The following NSMAF variants were observed in gnomAD, a reference collection of about 807,000 sequenced individuals.
NSMAF encodes the protein protein FAN.
NSMAF carries 90 observed loss-of-function variants against 134.9 expected under a neutral mutation model. That is an observed-to-expected ratio of 0.67 (90% confidence interval 0.56 to 0.79). NSMAF has a LOEUF of 0.79. Among genes scored for constraint, NSMAF ranks in the 30% least tolerant of loss-of-function variants. NSMAF has a pLI of 0.00. For synonymous variants in NSMAF, 358 were observed against 389.6 expected (o/e 0.92, Z 0.96); for missense variants, 1,010 against 1,119.0 (o/e 0.90, Z 1.39).
chr8:58,613,829 T>A (rs1174402670), intron 9 of NSMAF, among the ~76,000 whole-genome samples: 1 of 152,220 alleles, frequency 6.6e-6, no homozygotes, highest in African/African-American at 2.4e-5. Context: ...ATCATATCGG[T>A]GTGCCTCCCT....
chr8:58,605,944 T>A lies in NSMAF; in HGVS notation c.851A>T (p.Tyr284Phe), dbSNP rs1416392459. ...EPQDRDDLYFYIATYLEHHVA... is the reference protein window; with the variant it reads ...EPQDRDDLYFFIATYLEHHVA... ...CGCCAAACCTAGGTATGTGGCAATGTAAAAATAGAGATCATCTCTATCTTG... is the reference window on the plus strand; with the variant it reads ...CGCCAAACCTAGGTATGTGGCAATGAAAAAATAGAGATCATCTCTATCTTG... The change falls in exon 12 of 31, where the codon TAC becomes TTC. Residue 284 changes from tyrosine (Y) to phenylalanine (F), a missense_variant. By Grantham distance (22) the Tyr-to-Phe change is conservative (BLOSUM62 3). Transcript: ENST00000038176. The A allele has an allele frequency of 6.3e-7, 1 of 1,584,340 alleles. No individual in the cohort carries two copies. Among genetic ancestry groups the A allele is most frequent in the South Asian group, 1.2e-5 (1 of 84,040 alleles).
At chr8:58,622,644 C>T (rs1399354582) in intron 9 of NSMAF, among the ~76,000 whole-genome samples, 3 of 152,094 alleles carry the variant, frequency 2.0e-5, no homozygotes, top group Non-Finnish European at 4.4e-5. Flanking sequence ...CTGCCCACCT[C>T]AGCCTCCCGA....
At chr8:58,603,873 A>G (rs1282826277) in intron 12 of NSMAF, among the ~76,000 whole-genome samples, 1 of 152,198 alleles carries the variant, frequency 6.6e-6, no homozygotes, top group African/African-American at 2.4e-5. Context: ...TTATTTATGC[A>G]TGTGAAGACT....
intron 3 of NSMAF, 43 bp downstream of exon 3, chr8:58,635,425 C>T (rs1563540544): frequency 6.4e-7 from 1 of 1,568,594 alleles, no homozygotes; most frequent in East Asian, 2.2e-5. Flanking sequence ...AAGACATACA[C>T]AAAAAATAGG....
intron 27 of NSMAF, 105 bp downstream of exon 27, chr8:58,587,513 A>G: frequency 2.5e-6 from 2 of 801,158 alleles, no homozygotes; most frequent in Non-Finnish European, 4.1e-6. Context: ...ATCTTCCATT[A>G]ACCAAATAAA....
At chr8:58,618,886 C>G (rs1806723415) in intron 9 of NSMAF, among the ~76,000 whole-genome samples, 1 of 152,078 alleles carries the variant, frequency 6.6e-6, no homozygotes, top group Admixed American at 6.6e-5. Flanking sequence ...GTATACAACA[C>G]TGTAATATTT....
At chr8:58,653,315 A>G (rs965782082) in intron 1 of NSMAF, among the ~76,000 whole-genome samples, 2 of 152,230 alleles carry the variant, frequency 1.3e-5, no homozygotes, top group Non-Finnish European at 2.9e-5. Flanking sequence ...GAACAAAACT[A>G]AAAAATAAAA....
At chr8:58,655,118 C>T (rs1807673352) in intron 1 of NSMAF, among the ~76,000 whole-genome samples, 1 of 152,090 alleles carries the variant, frequency 6.6e-6, no homozygotes, top group Admixed American at 6.5e-5. Context: ...GGACTACAGG[C>T]ATGAGGCACC....
At chr8:58,643,135 T>A in intron 1 of NSMAF, 62 bp from the exon 2 acceptor site, 4 of 1,189,518 alleles carry the variant, frequency 3.4e-6, no homozygotes, top group Non-Finnish European at 5.0e-6. Context: ...GAAGGCAATA[T>A]ATTTAAAACG....
chr8:58,614,022 G>C (rs1435603314), intron 9 of NSMAF, among the ~76,000 whole-genome samples: 2 of 152,164 alleles, frequency 1.3e-5, no homozygotes, highest in Non-Finnish European at 2.9e-5. Flanking sequence ...GGAGCAATAG[G>C]CTATACTGTA....
At chr8:58,645,358 T>C (rs1295983422) in intron 1 of NSMAF, among the ~76,000 whole-genome samples, 1 of 152,020 alleles carries the variant, frequency 6.6e-6, no homozygotes, top group East Asian at 1.9e-4. Flanking sequence ...ATGCAAAACA[T>C]GGAATAGATG....
chr8:58,645,488 C>T (rs141212033), intron 1 of NSMAF, among the ~76,000 whole-genome samples: 15 of 152,274 alleles, frequency 9.9e-5, no homozygotes, highest in Non-Finnish European at 1.9e-4. Context: ...CAGGTCTCTA[C>T]AACATCATCC....
At chr8:58,605,141 T>C (rs1023611412) in intron 12 of NSMAF, among the ~76,000 whole-genome samples, 8 of 152,222 alleles carry the variant, frequency 5.3e-5, no homozygotes, top group African/African-American at 1.9e-4. Context: ...TAAAAAAACT[T>C]TGGGCTTGAA....
At chr8:58,595,068 T>C (rs1284890768) in intron 22 of NSMAF, among the ~76,000 whole-genome samples, 2 of 152,176 alleles carry the variant, frequency 1.3e-5, no homozygotes, top group Non-Finnish European at 2.9e-5. Flanking sequence ...AACACACATA[T>C]CATCTCTGGG....
chr8:58,600,255 G>GA, intron 16 of NSMAF: 1 of 517,718 alleles, frequency 1.9e-6, no homozygotes, highest in Non-Finnish European at 3.4e-6. Flanking sequence ...TAGAGTCCGA[G>GA]TCCACACCAT....
At chr8:58,606,137 G>T in intron 11 of NSMAF, 102 bp from the exon 12 acceptor site, 1 of 1,043,540 alleles carries the variant, frequency 9.6e-7, no homozygotes, top group South Asian at 1.8e-5. Context: ...AAACATTTGT[G>T]TTTATTTTTA....
chr8:58,639,381 A>G (rs1807278750), intron 2 of NSMAF, among the ~76,000 whole-genome samples: 1 of 152,178 alleles, frequency 6.6e-6, no homozygotes, highest in African/African-American at 2.4e-5. Context: ...CATCAGAGAA[A>G]AGCAAATCAA....
At chr8:58,618,160 G>A (rs1480071356) in intron 9 of NSMAF, among the ~76,000 whole-genome samples, 6 of 152,216 alleles carry the variant, frequency 3.9e-5, no homozygotes, top group South Asian at 2.1e-4. Flanking sequence ...GGGGCCTGTC[G>A]TGGGGTGGGG....
intron 5 of NSMAF, among the ~76,000 whole-genome samples, chr8:58,634,193 G>A (rs1400200775): frequency 2.0e-5 from 3 of 152,176 alleles, no homozygotes; most frequent in Non-Finnish European, 4.4e-5. Context: ...ACAACATGAA[G>A]TTGAGGAAGC....
Sources: allele counts gnomAD v4.1 joint callset (sites outside exome capture counted in the v4.1 genomes callset), GRCh38; gene constraint gnomAD v4.1.1; transcripts MANE v1.5; gene names NCBI Gene and HGNC (gene_info 2026-07-23, HGNC 2026-07-21).